RIMS2: variants seen among roughly 807,000 people sequenced by gnomAD.
The protein encoded by RIMS2 is regulating synaptic membrane exocytosis 2.
A neutral mutation model predicts 174.4 loss-of-function variants in RIMS2; 59 were observed. The observed-to-expected ratio is 0.34, with a 90% CI of 0.27 to 0.42. RIMS2 has a LOEUF of 0.42. RIMS2 is among the 10% of genes least tolerant of loss of function. The pLI, the probability that RIMS2 is intolerant of heterozygous loss-of-function variation, is 1.00. For synonymous variants in RIMS2, 606 were observed against 572.5 expected (o/e 1.06, Z -0.84); for missense variants, 1,620 against 1,666.3 (o/e 0.97, Z 0.48).
rs111685989 is a variant in RIMS2 at position 103,684,554 on chromosome 8, A to G, written c.177-12532A>G. 2.6e-3 allele frequency among the ~76,000 whole-genome samples: 72 copies of G among 27,270 alleles called. 1 individual carries two copies. The East Asian group carries it at 0.061, about 23-fold the overall frequency. 17.9% of individuals were successfully genotyped at this position (27,270 alleles called of 152,430 possible). A position where few individuals can be genotyped will look rare whatever the true frequency, so the allele number is the denominator to read the frequency against. On this transcript the variant is annotated intron_variant, in intron 1 of 23. Coordinates refer to ENST00000504942, the Ensembl canonical transcript of RIMS2. The stretch of plus-strand genomic sequence containing the variant: ...GTTCATACTTTTTTTATTTTATTTT[A>G]TTTTATTTTATTTTATTTTATTTTA...
chr8:104,014,382 C>A, intron 18 of RIMS2, 124 bp from the exon 21 acceptor site: 1 of 537,842 alleles, frequency 1.9e-6, no homozygotes, highest in South Asian at 3.3e-5. Flanking sequence ...TTTTCCTAAC[C>A]TTTTAATCTG....
intron 19 of RIMS2, among the ~76,000 whole-genome samples, chr8:104,134,223 G>C (rs761610873): frequency 6.6e-6 from 1 of 152,282 alleles, no homozygotes; most frequent in East Asian, 1.9e-4. Context: ...CCAGCACTTT[G>C]AGAGGCCAAG....
At chr8:103,930,610 C>G (rs980550176) in intron 11 of RIMS2, among the ~76,000 whole-genome samples, 2 of 151,996 alleles carry the variant, frequency 1.3e-5, no homozygotes, top group Non-Finnish European at 2.9e-5. Flanking sequence ...ATTTTCTTAT[C>G]TCAAATAATA....
chr8:104,142,120 C>CTTTTTTTTTTTTTTTTT (rs71297257), intron 19 of RIMS2, among the ~76,000 whole-genome samples: 1 of 131,996 alleles, frequency 7.6e-6, no homozygotes, highest in Admixed American at 8.0e-5. Flanking sequence ...AAATATCTTC[C>CTTTTTTTTTTTTTTTTT]TTTTTTTTTT....
At chr8:103,864,977 G>A (rs1488610248) in intron 3 of RIMS2, among the ~76,000 whole-genome samples, 3 of 152,028 alleles carry the variant, frequency 2.0e-5, no homozygotes, top group Non-Finnish European at 4.4e-5. Context: ...TATTCAGAAT[G>A]GATTGATGCT....
intron 19 of RIMS2, chr8:104,148,764 C>T (rs370268038): frequency 1.4e-5 from 23 of 1,598,248 alleles, no homozygotes; most frequent in South Asian, 5.5e-5. Flanking sequence ...TGGCAAAAAG[C>T]GGCGCTCTAG....
chr8:104,047,117 C>T (rs2096709349), intron 19 of RIMS2, among the ~76,000 whole-genome samples: 1 of 151,836 alleles, frequency 6.6e-6, no homozygotes, highest in South Asian at 2.1e-4. Flanking sequence ...AGTAAGGATG[C>T]CCCAACATGG....
At chr8:104,057,578 A>G (rs1464706007) in intron 19 of RIMS2, among the ~76,000 whole-genome samples, 2 of 151,530 alleles carry the variant, frequency 1.3e-5, no homozygotes, top group Non-Finnish European at 2.9e-5. Context: ...TTATTTTATT[A>G]TTATTATACT....
At chr8:103,505,090 G>A (rs1241379134) in intron 1 of RIMS2, among the ~76,000 whole-genome samples, 2 of 151,996 alleles carry the variant, frequency 1.3e-5, no homozygotes, top group African/African-American at 4.8e-5. Context: ...CTGGGCTCAA[G>A]TGATCCTCCT....
At chr8:103,682,645 T>G (rs1194834918) in intron 1 of RIMS2, among the ~76,000 whole-genome samples, 1 of 152,182 alleles carries the variant, frequency 6.6e-6, no homozygotes, top group African/African-American at 2.4e-5. Context: ...CTCCTGAGTC[T>G]GCCCATATAC....
chr8:104,121,902 A>G (rs1429538372), intron 19 of RIMS2, among the ~76,000 whole-genome samples: 1 of 152,230 alleles, frequency 6.6e-6, no homozygotes, highest in African/African-American at 2.4e-5. Context: ...CGGAGGTTGC[A>G]GTGAGCATAG....
rs78240481 is a variant in RIMS2, at chr8:103,683,964, A to C, written c.177-13122A>C. Reference sequence around the variant, plus strand: ...TCATTGATATTAGGTGTAGAAAGGAAGTATACTTTTGTGACAAAGTAGATA... The same window carrying C: ...TCATTGATATTAGGTGTAGAAAGGACGTATACTTTTGTGACAAAGTAGATA... On this transcript the variant is annotated intron_variant, in intron 1 of 23. Coordinates refer to ENST00000504942, the Ensembl canonical transcript of RIMS2. Among the ~76,000 whole-genome samples the C allele has an allele frequency of 7.1e-3, 1,079 of 152,280 alleles. 21 individuals carry two copies. The highest frequency in any genetic ancestry group is 0.025 in the African/African-American group (1,019 of 41,556).
At chr8:103,839,564 C>G (rs1210478272) in intron 3 of RIMS2, among the ~76,000 whole-genome samples, 1 of 152,174 alleles carries the variant, frequency 6.6e-6, no homozygotes, top group Non-Finnish European at 1.5e-5. Context: ...ACAAATATCT[C>G]TCCAAGCTTG....
chr8:103,922,823 G>A (rs60610450), intron 10 of RIMS2: 3,146 of 193,316 alleles, frequency 0.016, 97 homozygotes, highest in African/African-American at 0.07. Context: ...GGAAGTATAT[G>A]CAAAAAGGAA....
At chr8:104,104,882 GAA>G (rs199647482) in intron 19 of RIMS2, among the ~76,000 whole-genome samples, 5 of 116,510 alleles carry the variant, frequency 4.3e-5, no homozygotes, top group Admixed American at 9.0e-5. Context: ...CCTGTCTCAA[GAA>G]AAAAAAAAAA....
chr8:104,087,837 T>C (rs554375283), intron 19 of RIMS2, among the ~76,000 whole-genome samples: 1 of 152,220 alleles, frequency 6.6e-6, no homozygotes, highest in Non-Finnish European at 1.5e-5. Flanking sequence ...TGTCCTAGAC[T>C]CCTTTCCAGA....
chr8:104,020,437 T>G (rs559356795), intron 19 of RIMS2, among the ~76,000 whole-genome samples: 137 of 152,174 alleles, frequency 9.0e-4, no homozygotes, highest in African/African-American at 3.2e-3. Flanking sequence ...AGCATAAGTA[T>G]TAGTCTCAAT....
intron 2 of RIMS2, among the ~76,000 whole-genome samples, chr8:103,735,533 C>T (rs1045009028): frequency 2.6e-5 from 4 of 151,838 alleles, no homozygotes; most frequent in African/African-American, 4.8e-5. Flanking sequence ...TGCTGATGTT[C>T]GTTCATGGTG....
intron 3 of RIMS2, among the ~76,000 whole-genome samples, chr8:103,779,322 G>T (rs2098357962): frequency 6.6e-6 from 1 of 152,046 alleles, no homozygotes; most frequent in Admixed American, 6.6e-5. Context: ...TCTTTGCCCA[G>T]ATCTATGTCC....
Sources: gnomAD v4.1 joint callset for allele counts (sites outside exome capture counted in the v4.1 genomes callset) on GRCh38, gnomAD v4.1.1 for gene constraint, MANE v1.5 for transcripts, NCBI Gene and HGNC (gene_info 2026-07-23, HGNC 2026-07-21) for gene names.